Variants in JAM3 observed in about 807,000 individuals in gnomAD.
The protein encoded by JAM3 is junctional adhesion molecule C.
In JAM3, 31 loss-of-function variants were observed where a neutral mutation model predicts 39.4. That is an observed-to-expected ratio of 0.79 (90% CI 0.59 to 1.06). The LOEUF (loss-of-function observed/expected upper bound fraction) is 1.06. Ranked by LOEUF, JAM3 falls within the 50% of genes least tolerant of loss-of-function variation. The pLI is 0.00. For missense variants in JAM3, 455 were observed against 391.4 expected (o/e 1.16, Z -1.37); for synonymous variants, 182 against 148.7 (o/e 1.22, Z -1.63).
At chr11:134,133,354 C>A (rs1942803930) in intron 1 of JAM3, among the ~76,000 whole-genome samples, 1 of 152,148 alleles carries the variant, frequency 6.6e-6, no homozygotes, top group Non-Finnish European at 1.5e-5. Context: ...TGAAAGTGGG[C>A]ATCGTTGTCT....
At chr11:134,139,027 T>G (rs1942924920) in intron 1 of JAM3, among the ~76,000 whole-genome samples, 1 of 152,176 alleles carries the variant, frequency 6.6e-6, no homozygotes, top group African/African-American at 2.4e-5. Flanking sequence ...GAAGGCCTTC[T>G]TTGGGGATGG....
chr11:134,089,788 T>C (rs1164558818), intron 1 of JAM3, among the ~76,000 whole-genome samples: 1 of 152,228 alleles, frequency 6.6e-6, no homozygotes, highest in Non-Finnish European at 1.5e-5. Context: ...TGTGTCTTTA[T>C]AGCAGCATGA....
At chr11:134,081,974 A>G (rs1457629923) in intron 1 of JAM3, among the ~76,000 whole-genome samples, 1 of 152,252 alleles carries the variant, frequency 6.6e-6, no homozygotes, top group Non-Finnish European at 1.5e-5. Flanking sequence ...ACTTGGAGTC[A>G]AAGGAGATCA....
intron 1 of JAM3, chr11:134,123,798 A>G: frequency 1.4e-6 from 1 of 736,564 alleles, no homozygotes; most frequent in South Asian, 1.4e-5. Flanking sequence ...TGCCACAATC[A>G]AGTGAGCCTT....
intron 1 of JAM3, among the ~76,000 whole-genome samples, chr11:134,096,189 C>G (rs532439691): frequency 1.3e-5 from 2 of 152,248 alleles, no homozygotes; most frequent in African/African-American, 4.8e-5. Flanking sequence ...GTTGCCCAGT[C>G]TCTGGTCTCG....
Position 134,149,015 on chromosome 11 carries a change from C to T in JAM3, c.898-131C>T, listed in dbSNP as rs975607486. On this transcript the variant is annotated intron_variant, in intron 8 of 8. Transcript: ENST00000299106. ...ACACACTAATGGGATTTGTGCTTTG[C>T]AAGCGCTAGTGATGGTACTTTTTAA... 4.4e-6 allele frequency: 5 copies of T among 1,129,350 alleles called. No homozygotes were observed. In the East Asian group the frequency reaches 7.1e-5, roughly 16 times the overall value. 70.0% of individuals were successfully genotyped at this position (1,129,350 alleles called of 1,614,324 possible).
At chr11:134,102,379 A>C (rs1197180474) in intron 1 of JAM3, among the ~76,000 whole-genome samples, 1 of 152,218 alleles carries the variant, frequency 6.6e-6, no homozygotes, top group African/African-American at 2.4e-5. Context: ...ACCATCATCG[A>C]GGACCAAAGG....
chr11:134,074,561 G>C (rs958109360), intron 1 of JAM3, among the ~76,000 whole-genome samples: 2 of 152,120 alleles, frequency 1.3e-5, no homozygotes, highest in Admixed American at 1.3e-4. Context: ...CTGACTTTTG[G>C]GTGGGGGAGT....
intron 1 of JAM3, among the ~76,000 whole-genome samples, chr11:134,103,986 C>T (rs1020216833): frequency 2.0e-5 from 3 of 152,178 alleles, no homozygotes; most frequent in Non-Finnish European, 4.4e-5. Context: ...AGGAATTGAA[C>T]TCAGCTCTGC....
At chr11:134,105,472 AT>A (rs1346890632) in intron 1 of JAM3, among the ~76,000 whole-genome samples, 13 of 152,180 alleles carry the variant, frequency 8.5e-5, no homozygotes, top group African/African-American at 3.1e-4. Flanking sequence ...CACCACTCCT[AT>A]TCAACATAGT....
chr11:134,126,563 C>G (rs1483162609), intron 1 of JAM3: 1 of 152,208 alleles, frequency 6.6e-6, no homozygotes, highest in Non-Finnish European at 1.5e-5. Flanking sequence ...ACTTTTTATA[C>G]AGAAGTGCAT....
chr11:134,121,678 A>G (rs1438520487), intron 1 of JAM3, among the ~76,000 whole-genome samples: 1 of 152,214 alleles, frequency 6.6e-6, no homozygotes, highest in African/African-American at 2.4e-5. Flanking sequence ...GAGAACAATT[A>G]ACATTAGTCT....
At chr11:134,072,314 AT>A (rs34630736) in intron 1 of JAM3, among the ~76,000 whole-genome samples, 2,179 of 144,610 alleles carry the variant, frequency 0.015, 115 homozygotes, top group Admixed American at 0.11. Context: ...GTGAAGTTGG[AT>A]TTTTTTTTTT....
rs1261997573 is a variant in JAM3, at chr11:134,139,928, C to T, written c.142+12C>T. 7.5e-6 allele frequency: 12 copies of T among 1,603,454 alleles called. No homozygotes were observed. The East Asian group carries it at 2.2e-4, about 30-fold the overall frequency. ...ACAGGAATTTGAAAGTAAGTACAAACGAAATGCCTAGGATAATGGGCACCA... is the reference window on the plus strand; with the variant it reads ...ACAGGAATTTGAAAGTAAGTACAAATGAAATGCCTAGGATAATGGGCACCA... On this transcript the variant is annotated intron_variant, in intron 2 of 8. Coordinates refer to ENST00000299106, the MANE Select transcript of JAM3 (RefSeq NM_032801.5).
chr11:134,120,587 C>A (rs1306487222), intron 1 of JAM3, among the ~76,000 whole-genome samples: 1 of 152,208 alleles, frequency 6.6e-6, no homozygotes, highest in Non-Finnish European at 1.5e-5. Flanking sequence ...TTGGAAGCCT[C>A]CCGTCTCCCA....
intron 1 of JAM3, among the ~76,000 whole-genome samples, chr11:134,111,618 C>G (rs1172204709): frequency 6.6e-6 from 1 of 152,046 alleles, no homozygotes; most frequent in African/African-American, 2.4e-5. Context: ...CAGTTTTTGG[C>G]CCTGTTTTTG....
At chr11:134,079,192 C>T (rs781449382) in intron 1 of JAM3, among the ~76,000 whole-genome samples, 10 of 151,988 alleles carry the variant, frequency 6.6e-5, no homozygotes, top group Non-Finnish European at 1.3e-4. Flanking sequence ...AAAAATATAC[C>T]AAACCCTACA....
At chr11:134,071,145 A>G (rs1237845145) in intron 1 of JAM3, among the ~76,000 whole-genome samples, 1 of 152,112 alleles carries the variant, frequency 6.6e-6, no homozygotes, top group Non-Finnish European at 1.5e-5. Context: ...TTGGTTCTTG[A>G]TATAACAGCA....
chr11:134,074,058 G>A (rs1205671214), intron 1 of JAM3, among the ~76,000 whole-genome samples: 1 of 152,170 alleles, frequency 6.6e-6, no homozygotes, highest in Non-Finnish European at 1.5e-5. Context: ...AGGAGAAAAA[G>A]ATGGAGAAAT....
Sources: gnomAD v4.1 joint callset for allele counts (sites outside exome capture counted in the v4.1 genomes callset) on GRCh38, gnomAD v4.1.1 for gene constraint, MANE v1.5 for transcripts, NCBI Gene and HGNC (gene_info 2026-07-23, HGNC 2026-07-21) for gene names.